Variants in ATP11C observed in about 807,000 individuals in gnomAD.
ATP11C encodes phospholipid-transporting ATPase IG.
Under a neutral mutation model 97.4 loss-of-function variants are expected in ATP11C, and 36 were observed. That is an observed-to-expected ratio of 0.37 (90% CI 0.28 to 0.49). The LOEUF is 0.49. Among genes scored for constraint, ATP11C ranks in the 20% least tolerant of loss-of-function variants. The pLI is 0.98. For missense variants in ATP11C, 730 were observed against 824.6 expected (o/e 0.89, Z 1.40); for synonymous variants, 275 against 290.9 (o/e 0.95, Z 0.56).
intron 1 of ATP11C, among the ~76,000 whole-genome samples, chrX:139,829,738 A>G (rs1330522262): frequency 8.9e-6 from 1 of 111,815 alleles, no homozygotes; most frequent in Non-Finnish European, 1.9e-5. Context: ...ATTAAAAAAT[A>G]TGTTTACAAT....
chrX:139,894,458 G>A (rs371358170), intron 1 of ATP11C, among the ~76,000 whole-genome samples: 8 of 111,948 alleles, frequency 7.1e-5, no homozygotes, highest in African/African-American at 2.6e-4. Flanking sequence ...TGAAGATAGA[G>A]AGTAGACTGG....
In ATP11C at chrX:139,743,622, T is replaced by A. The variant is rs1212958071; in HGVS notation, c.2967A>T (p.Val989=). 2 of 1,128,930 alleles carry A rather than the reference T, an allele frequency of 1.8e-6. No individual in the cohort carries two copies. The highest frequency in any genetic ancestry group is 2.3e-5 in the Admixed American group (1 of 44,118). 93.0% of individuals were successfully genotyped at this position (1,128,930 alleles called of 1,213,427 possible). ...TGGTTCCAAAAGTCCAGTTTCCGTA[T>A]ACCTGAAAAACATTTAATAATTACA... ...QTASLEENGK[V]YGNWTFGTIV... The change falls in exon 26 of 30, where the codon GTA becomes GTT. Residue 989 remains valine (V), a splice_region_variant and synonymous_variant. Coordinates refer to ENST00000682941, the MANE Select transcript of ATP11C (RefSeq NM_001353812.2).
At chrX:139,915,034 A>C (rs1462226123) in intron 1 of ATP11C, among the ~76,000 whole-genome samples, 1 of 112,189 alleles carries the variant, frequency 8.9e-6, no homozygotes, top group Non-Finnish European at 1.9e-5. Context: ...GCTTACAACT[A>C]TAACAATTCC....
intron 1 of ATP11C, among the ~76,000 whole-genome samples, chrX:139,898,756 A>T (rs1327438636): frequency 8.9e-6 from 1 of 112,180 alleles, no homozygotes. Flanking sequence ...ATACTGAAAA[A>T]CAATGGAGAA....
intron 1 of ATP11C, among the ~76,000 whole-genome samples, chrX:139,843,073 T>A (rs756004254): frequency 8.9e-6 from 1 of 112,337 alleles, no homozygotes; most frequent in Admixed American, 9.5e-5. Context: ...GTTCAACTAA[T>A]GCCAAATTCA....
chrX:139,779,316 A>G (rs1231398053), intron 18 of ATP11C, among the ~76,000 whole-genome samples: 1 of 112,145 alleles, frequency 8.9e-6, no homozygotes. Flanking sequence ...CATTCTCTAA[A>G]ATTGATCACA....
chrX:139,818,064 T>C (rs1029373456), intron 3 of ATP11C, among the ~76,000 whole-genome samples: 1 of 111,408 alleles, frequency 9.0e-6, no homozygotes, highest in African/African-American at 3.3e-5. Flanking sequence ...AGGCAATCTC[T>C]TCCCTATCCC....
chrX:139,922,669 C>G (rs1193181351), intron 1 of ATP11C, among the ~76,000 whole-genome samples: 1 of 111,244 alleles, frequency 9.0e-6, no homozygotes, highest in African/African-American at 3.3e-5. Flanking sequence ...CGACGTGAAG[C>G]CCCCTCACCA....
chrX:139,858,117 A>G (rs1465413863), intron 1 of ATP11C, among the ~76,000 whole-genome samples: 1 of 113,118 alleles, frequency 8.8e-6, no homozygotes, highest in East Asian at 2.8e-4. Context: ...GGGGCAACTC[A>G]GCAAGAAGGA....
At chrX:139,740,888 A>G in intron 27 of ATP11C, 103 bp downstream of exon 27, 1 of 468,231 alleles carries the variant, frequency 2.1e-6, no homozygotes, top group Non-Finnish European at 3.7e-6. Context: ...CATCTTATAT[A>G]ATTAAAATTT....
chrX:139,850,195 G>A (rs908108983), intron 1 of ATP11C, among the ~76,000 whole-genome samples: 7 of 111,029 alleles, frequency 6.3e-5, no homozygotes, highest in African/African-American at 2.3e-4. Context: ...TGGAAGAGCA[G>A]ATTAGAAAAA....
intron 1 of ATP11C, chrX:139,885,709 T>C (rs1470030618): frequency 8.9e-6 from 1 of 111,775 alleles, no homozygotes. Flanking sequence ...ATTCACAGTG[T>C]CAGCAGTCAA....
At chrX:139,793,393 A>T (rs1389819445) in intron 12 of ATP11C, among the ~76,000 whole-genome samples, 2 of 111,437 alleles carry the variant, frequency 1.8e-5, no homozygotes, top group African/African-American at 6.5e-5. Flanking sequence ...AATAACTTTT[A>T]TGGGTTAATT....
chrX:139,783,557 A>C (rs1316453524), intron 16 of ATP11C, among the ~76,000 whole-genome samples: 2 of 111,893 alleles, frequency 1.8e-5, no homozygotes, highest in African/African-American at 6.5e-5. Flanking sequence ...GGCTTGTGTC[A>C]AGGAGCTGCA....
chrX:139,935,185 T>C, upstream of ATP11C, among the ~76,000 whole-genome samples: 1 of 111,478 alleles, frequency 9.0e-6, no homozygotes, highest in Admixed American at 9.5e-5. Flanking sequence ...AGACCTGAAA[T>C]TTTTTTTTGT....
chrX:139,843,208 C>T (rs2083860538), intron 1 of ATP11C, among the ~76,000 whole-genome samples: 1 of 112,387 alleles, frequency 8.9e-6, no homozygotes, highest in African/African-American at 3.2e-5. Context: ...GTCTTATTCT[C>T]TTAGGATACA....
chrX:139,931,583 T>C (rs1490134875), intron 1 of ATP11C, among the ~76,000 whole-genome samples: 2 of 112,299 alleles, frequency 1.8e-5, no homozygotes, highest in Non-Finnish European at 3.8e-5. Flanking sequence ...CAGCTCTTCT[T>C]TTGGGCCACC....
intron 1 of ATP11C, among the ~76,000 whole-genome samples, chrX:139,869,460 T>C (rs1034312294): frequency 9.1e-6 from 1 of 110,423 alleles, no homozygotes; most frequent in Non-Finnish European, 1.9e-5. Flanking sequence ...TGTTTATGAA[T>C]AGAATCATAT....
intron 27 of ATP11C, among the ~76,000 whole-genome samples, chrX:139,740,149 C>T (rs2081525880): frequency 9.0e-6 from 1 of 111,632 alleles, no homozygotes; most frequent in Non-Finnish European, 1.9e-5. Flanking sequence ...TGAAATCTTA[C>T]ACTATGGCTT....
Sources: gnomAD v4.1 joint callset for allele counts (sites outside exome capture counted in the v4.1 genomes callset) on GRCh38, gnomAD v4.1.1 for gene constraint, MANE v1.5 for transcripts, NCBI Gene and HGNC (gene_info 2026-07-23, HGNC 2026-07-21) for gene names.